SLC12A7: variants seen among roughly 807,000 people sequenced by gnomAD.
SLC12A7 encodes K-Cl cotransporter 4.
Under a neutral mutation model 120.6 loss-of-function variants are expected in SLC12A7, and 100 were observed. The observed-to-expected ratio is 0.83, with a 90% CI of 0.71 to 0.98. The LOEUF (loss-of-function observed/expected upper bound fraction) is 0.98, where lower values mean the gene tolerates loss of function less well. Among genes scored for constraint, SLC12A7 ranks in the 50% least tolerant of loss-of-function variants. SLC12A7 has a pLI of 0.00. For synonymous variants in SLC12A7, 760 were observed against 678.0 expected (o/e 1.12, Z -1.88); for missense variants, 1,373 against 1,548.1 (o/e 0.89, Z 1.90).
chr5:1,083,501 C>G (rs566291909), intron 8 of SLC12A7, among the ~76,000 whole-genome samples: 1 of 152,346 alleles, frequency 6.6e-6, no homozygotes, highest in Admixed American at 6.5e-5. Context: ...AAATCCATAG[C>G]ATTAAGACCA....
chr5:1,092,587 T>C (rs1396634417), intron 3 of SLC12A7, among the ~76,000 whole-genome samples: 2 of 152,140 alleles, frequency 1.3e-5, no homozygotes, highest in Non-Finnish European at 2.9e-5. Flanking sequence ...AAAGCCAACG[T>C]ATGCCCTTAG....
chr5:1,059,863 G>C (rs1246006378), intron 21 of SLC12A7, among the ~76,000 whole-genome samples: 1 of 150,488 alleles, frequency 6.6e-6, no homozygotes, highest in Non-Finnish European at 1.5e-5. Context: ...AGAAATCTGT[G>C]CATGCTGCGG....
At position 1,073,769 on chromosome 5, in the gene SLC12A7, G is replaced by A. The variant is rs376141461; in HGVS notation, c.2105C>T (p.Ala702Val). The A allele has an allele frequency of 6.3e-5, 94 of 1,488,682 alleles. No individual in the cohort carries two copies. The highest frequency in any genetic ancestry group is 2.9e-4 in the African/African-American group (20 of 69,750). The allele number at this position is 1,488,682 out of a possible 1,614,324, so 92.2% of individuals were successfully genotyped here. Residue 702 changes from alanine to valine, a missense_variant, in exon 17 of 24, where the codon GCG (alanine) becomes GTG (valine). Transcript: ENST00000264930. ...PQVLVMLNLDAEQAVKHPRLL... is the reference protein window; with the variant it reads ...PQVLVMLNLDVEQAVKHPRLL... ...GCGGGGGTGCTTCACGGCCTGCTCC[G>A]CGTCCAGGTTCAGCATCACCAGCAC...
chr5:1,114,810 G>A (rs773924424), upstream of SLC12A7, among the ~76,000 whole-genome samples: 6 of 152,272 alleles, frequency 3.9e-5, no homozygotes, highest in East Asian at 1.9e-4. Flanking sequence ...TCCTCCGTCC[G>A]CAGTCGTTGG....
At chr5:1,074,244 C>CCCG (rs1738067845) in intron 16 of SLC12A7, among the ~76,000 whole-genome samples, 1 of 151,692 alleles carries the variant, frequency 6.6e-6, no homozygotes, top group Admixed American at 6.6e-5. Context: ...CCGGGGCACA[C>CCCG]ACCTGAGGCC....
At chr5:1,139,319 C>T in the SLC12A7 span, among the ~76,000 whole-genome samples, 3 of 152,398 alleles carry the variant, frequency 2.0e-5, no homozygotes, top group African/African-American at 7.2e-5. Context: ...CACCCAAGCC[C>T]AGCCCTGGTG....
In SLC12A7 at chr5:1,100,744, G is replaced by A. The variant is rs147414413; in HGVS notation, c.125-6496C>T. ...AGAAAACACCAGACACCTCCCAACT[G>A]AGGGGCATTCTCTAAAAAGGACCAG... is the stretch of plus-strand genomic sequence containing the variant. On this transcript the variant is annotated intron_variant, in intron 1 of 23. Coordinates refer to ENST00000264930, the MANE Select transcript of SLC12A7 (RefSeq NM_006598.3). 8.9e-3 allele frequency among the ~76,000 whole-genome samples: 1,355 copies of A among 152,356 alleles called. 8 individuals carry two copies. Among genetic ancestry groups the A allele is most frequent in the Non-Finnish European group, 0.014 (922 of 68,038 alleles).
intron 22 of SLC12A7, among the ~76,000 whole-genome samples, chr5:1,056,129 C>T (rs1273172397): frequency 6.6e-6 from 1 of 152,194 alleles, no homozygotes; most frequent in South Asian, 2.1e-4. Flanking sequence ...GAGGGTCCGA[C>T]CACACAGAGA....
At chr5:1,059,268 C>T (rs1417747195) in intron 21 of SLC12A7, among the ~76,000 whole-genome samples, 4 of 152,214 alleles carry the variant, frequency 2.6e-5, no homozygotes, top group Non-Finnish European at 2.9e-5. Context: ...TGGACAGGAC[C>T]GCAGCTCCAC....
intron 17 of SLC12A7, among the ~76,000 whole-genome samples, chr5:1,068,298 G>T (rs1737271504): frequency 3.3e-5 from 5 of 152,184 alleles, no homozygotes; most frequent in Admixed American, 3.3e-4. Context: ...AGCCGGGCGT[G>T]GTGGTGGGCA....
intron 22 of SLC12A7, among the ~76,000 whole-genome samples, chr5:1,056,953 T>A (rs1457524520): frequency 2.3e-4 from 35 of 152,190 alleles, no homozygotes. Flanking sequence ...AGGCCAGGAA[T>A]TCTGTGCCCA....
chr5:1,101,693 T>C (rs1160834155), intron 1 of SLC12A7, among the ~76,000 whole-genome samples: 5 of 152,220 alleles, frequency 3.3e-5, no homozygotes, highest in African/African-American at 1.2e-4. Flanking sequence ...TGCAGCCCTA[T>C]GGGTGCTAGC....
the SLC12A7 span, among the ~76,000 whole-genome samples, chr5:1,138,802 G>A: frequency 1.3e-5 from 2 of 152,344 alleles, no homozygotes; most frequent in South Asian, 2.1e-4. Flanking sequence ...GGCCCAGGAA[G>A]CTAAGCCCCA....
At chr5:1,085,892 C>T (rs990098386) in intron 6 of SLC12A7, among the ~76,000 whole-genome samples, 1 of 152,236 alleles carries the variant, frequency 6.6e-6, no homozygotes, top group African/African-American at 2.4e-5. Flanking sequence ...GCTCGGCCCA[C>T]CCCGGCTGGA....
chr5:1,076,375 G>A (rs1399413627), intron 13 of SLC12A7, 139 bp from the exon 14 acceptor site: 2 of 340,838 alleles, frequency 5.9e-6, no homozygotes, highest in Non-Finnish European at 9.2e-6. Flanking sequence ...CACGTGAGCT[G>A]ACTCAGACTG....
the SLC12A7 span, among the ~76,000 whole-genome samples, chr5:1,145,041 C>A: frequency 6.6e-6 from 1 of 152,266 alleles, no homozygotes; most frequent in East Asian, 1.9e-4. This position sits in a 1 kb window ranked among gnomAD's most constrained non-coding sequence, Gnocchi z 4.4. Context: ...GGAGCATGTG[C>A]TGTCGGCACG....
intron 17 of SLC12A7, among the ~76,000 whole-genome samples, chr5:1,067,588 C>T (rs1737190638): frequency 6.6e-6 from 1 of 152,260 alleles, no homozygotes. Context: ...TGGAGGGGCC[C>T]TGAGGGCCTC....
chr5:1,115,108 C>T (rs948868701), upstream of SLC12A7, among the ~76,000 whole-genome samples: 2 of 152,238 alleles, frequency 1.3e-5, no homozygotes, highest in African/African-American at 2.4e-5. Flanking sequence ...GCATCGGTGT[C>T]CAGCTTTGCC....
At chr5:1,106,614 C>T (rs181094490) in intron 1 of SLC12A7, among the ~76,000 whole-genome samples, 1 of 152,234 alleles carries the variant, frequency 6.6e-6, no homozygotes, top group African/African-American at 2.4e-5. Flanking sequence ...CTGACCTCCA[C>T]TCCCAGTGCT....
Sources: gnomAD v4.1 joint callset for allele counts (sites outside exome capture counted in the v4.1 genomes callset) on GRCh38, gnomAD v4.1.1 for gene constraint, Gnocchi (gnomAD v3.1) non-coding constraint, MANE v1.5 for transcripts, NCBI Gene and HGNC (gene_info 2026-07-23, HGNC 2026-07-21) for gene names.